UBLCP1: variants seen among roughly 807,000 people sequenced by gnomAD.
UBLCP1 encodes the protein ubiquitin like domain containing CTD phosphatase 1.
UBLCP1 carries 28 observed loss-of-function variants against 42.4 expected under a neutral mutation model. That is an observed-to-expected ratio of 0.66 (90% CI 0.49 to 0.90). The LOEUF is 0.90. Ranked by LOEUF, UBLCP1 falls within the 40% of genes least tolerant of loss-of-function variation. The pLI, the probability that UBLCP1 is intolerant of heterozygous loss-of-function variation, is 0.00. For missense variants in UBLCP1, 279 were observed against 374.5 expected, an observed-to-expected ratio of 0.75 and a Z score of 2.10; for synonymous variants, 122 against 120.8, an observed-to-expected ratio of 1.01 and a Z score of -0.07.
Position 159,285,035 on chromosome 5 carries a change from A to G in UBLCP1, c.*104A>G. 1 of 993,760 alleles carries G rather than the reference A, an allele frequency of 1.0e-6. No individual in the cohort carries two copies. The allele number at this position is 993,760 out of a possible 1,614,324, so 61.6% of individuals were successfully genotyped here. ...AGTGCTGGACACTGAAGCAAATACCATACTGCTTATACTTGGTCTTCCAGT... is the reference window on the plus strand; with the variant it reads ...AGTGCTGGACACTGAAGCAAATACCGTACTGCTTATACTTGGTCTTCCAGT... On this transcript the variant is annotated 3_prime_UTR_variant, in exon 11 of 11. Transcript: ENST00000296786.
rs185423843 is a variant in UBLCP1, at chr5:159,270,490, C to T, written c.333-38C>T. 1.3e-4 allele frequency: 203 copies of T among 1,604,526 alleles called. No individual in the cohort carries two copies. In the African/African-American group the frequency reaches 2.3e-3, roughly 18 times the overall value. On this transcript the variant is annotated intron_variant, in intron 4 of 10. Coordinates refer to ENST00000296786, the MANE Select transcript of UBLCP1 (RefSeq NM_145049.5). Reference sequence around the variant, plus strand: ...GAAGTAATCAGTTGTCATGTGAGAACAAGTGAATATTTTATCTAATTATAT... The same window carrying T: ...GAAGTAATCAGTTGTCATGTGAGAATAAGTGAATATTTTATCTAATTATAT...
chr5:159,267,791 T>C (rs1471597230), intron 1 of UBLCP1, among the ~76,000 whole-genome samples: 2 of 152,212 alleles, frequency 1.3e-5, no homozygotes, highest in African/African-American at 2.4e-5. Flanking sequence ...CGCTTTTGCT[T>C]CTTCCTCATT....
At chr5:159,278,598 G>A (rs1253380727) in intron 9 of UBLCP1, among the ~76,000 whole-genome samples, 2 of 152,094 alleles carry the variant, frequency 1.3e-5, no homozygotes, top group Non-Finnish European at 2.9e-5. Context: ...TTTGAGACGG[G>A]ATCTCACTCT....
At chr5:159,280,119 C>T (rs115894303) in intron 9 of UBLCP1, among the ~76,000 whole-genome samples, 2,972 of 152,190 alleles carry the variant, frequency 0.02, 56 homozygotes, top group African/African-American at 0.06. Context: ...ACGTATGTCC[C>T]CATCCCCTAA....
chr5:159,267,676 G>A (rs989281138), intron 1 of UBLCP1, among the ~76,000 whole-genome samples: 4 of 152,312 alleles, frequency 2.6e-5, no homozygotes, highest in Non-Finnish European at 4.4e-5. Flanking sequence ...TGTTATGAGA[G>A]GGACCCAGGG....
At chr5:159,263,739 C>T (rs1753333256) in intron 1 of UBLCP1, among the ~76,000 whole-genome samples, 1 of 152,218 alleles carries the variant, frequency 6.6e-6, no homozygotes, top group African/African-American at 2.4e-5. Flanking sequence ...CAGCCCCCGA[C>T]CCTGCACCAC....
At chr5:159,270,322 G>T (rs1204210752) in intron 3 of UBLCP1, 38 bp from the exon 4 acceptor site, 7 of 1,467,496 alleles carry the variant, frequency 4.8e-6, no homozygotes, top group Admixed American at 1.7e-5. Flanking sequence ...TTATATTAAG[G>T]ATAATATGGT....
chr5:159,277,505 A>G (rs1409188075), intron 8 of UBLCP1, among the ~76,000 whole-genome samples: 1 of 152,108 alleles, frequency 6.6e-6, no homozygotes, highest in African/African-American at 2.4e-5. Context: ...TTGCATGACT[A>G]AAAAAATAGT....
intron 9 of UBLCP1, among the ~76,000 whole-genome samples, chr5:159,281,097 A>C (rs150994622): frequency 2.0e-5 from 3 of 152,294 alleles, no homozygotes; most frequent in African/African-American, 7.2e-5. Flanking sequence ...GTTTATTTAA[A>C]ATTTTAGAAC....
In UBLCP1 at chr5:159,269,913, C is replaced by A; in HGVS notation, c.160C>A (p.Pro54Thr). 5.0e-6 allele frequency: 8 copies of A among 1,612,230 alleles called. No homozygotes were observed. Among genetic ancestry groups the A allele is most frequent in the Non-Finnish European group, 6.8e-6 (8 of 1,179,128 alleles). Residue 54 changes from proline (P) to threonine (T), a missense_variant, in exon 3 of 11, where the codon CCT becomes ACT. Physicochemically the swap from Pro to Thr is conservative, Grantham distance 38. Coordinates refer to ENST00000296786, the MANE Select transcript of UBLCP1 (RefSeq NM_145049.5). ...KLLGLKVKGK[P>T]AENDVKLGAL... ...GTCATTTGCTTGTATTGTAGGCAAA[C>A]CTGCAGAAAATGATGTTAAGCTTGG... is the stretch of plus-strand genomic sequence containing the variant.
chr5:159,268,872 A>G lies in UBLCP1; in HGVS notation c.-44A>G. ...TTCATTTTTGTCTTCCTTTCCAGGT[A>G]TTTTTTTTTCTGAAGGAAAGCTGCT... On this transcript the variant is annotated splice_region_variant and 5_prime_UTR_variant, in exon 2 of 11. Transcript: ENST00000296786. The G allele has an allele frequency of 6.5e-7, 1 of 1,528,980 alleles. No homozygotes were observed. The highest frequency in any genetic ancestry group is 2.3e-5 in the East Asian group (1 of 42,736). The allele number at this position is 1,528,980 out of a possible 1,614,324, so 94.7% of individuals were successfully genotyped here. A position where few individuals can be genotyped will look rare whatever the true frequency, so the allele number is the denominator to read the frequency against.
chr5:159,280,577 C>T (rs928754857), intron 9 of UBLCP1, among the ~76,000 whole-genome samples: 2 of 152,206 alleles, frequency 1.3e-5, no homozygotes, highest in Non-Finnish European at 2.9e-5. Flanking sequence ...TGCAGGATTA[C>T]AGGCATGAGC....
At chr5:159,276,968 G>C (rs1753545365) in intron 8 of UBLCP1, among the ~76,000 whole-genome samples, 1 of 152,024 alleles carries the variant, frequency 6.6e-6, no homozygotes, top group Non-Finnish European at 1.5e-5. Context: ...TTCTAATTGA[G>C]AGCAAAGTAG....
chr5:159,276,597 G>T (rs963059647), intron 8 of UBLCP1, among the ~76,000 whole-genome samples: 4 of 152,126 alleles, frequency 2.6e-5, no homozygotes, highest in African/African-American at 9.7e-5. Flanking sequence ...CAGCAATAGG[G>T]CATTGGATAT....
At chr5:159,264,565 G>A (rs1429459044) in intron 1 of UBLCP1, among the ~76,000 whole-genome samples, 1 of 152,178 alleles carries the variant, frequency 6.6e-6, no homozygotes, top group Non-Finnish European at 1.5e-5. Context: ...TAGGTGCTTC[G>A]TAACGTTTTT....
chr5:159,275,383 A>G, intron 8 of UBLCP1, 137 bp downstream of exon 8: 1 of 564,386 alleles, frequency 1.8e-6, no homozygotes, highest in Non-Finnish European at 3.0e-6. Context: ...GACATAGGAA[A>G]ATGTATTTAA....
At chr5:159,271,824 G>A (rs1031394379) in intron 5 of UBLCP1, among the ~76,000 whole-genome samples, 199 bp from the exon 6 acceptor site, 4 of 152,154 alleles carry the variant, frequency 2.6e-5, no homozygotes, top group South Asian at 2.1e-4. Flanking sequence ...AAAATTGATC[G>A]ACTAAAATTG....
intron 9 of UBLCP1, among the ~76,000 whole-genome samples, chr5:159,282,249 C>T (rs1753618304): frequency 6.6e-6 from 1 of 151,964 alleles, no homozygotes; most frequent in South Asian, 2.1e-4. Flanking sequence ...GTGTCTTTTA[C>T]AAAACAGCAG....
intron 1 of UBLCP1, among the ~76,000 whole-genome samples, chr5:159,267,822 A>G (rs1291072105): frequency 6.6e-6 from 1 of 152,218 alleles, no homozygotes; most frequent in East Asian, 1.9e-4. Context: ...ACTGCCATGT[A>G]AGAAGTGCTT....
Sources: allele counts gnomAD v4.1 joint callset (sites outside exome capture counted in the v4.1 genomes callset), GRCh38; gene constraint gnomAD v4.1.1; transcripts MANE v1.5; gene names NCBI Gene and HGNC (gene_info 2026-07-23, HGNC 2026-07-21).